RORA: variants seen among roughly 807,000 people sequenced by gnomAD.
RORA encodes the protein nuclear receptor ROR-alpha.
Under a neutral mutation model 69.5 loss-of-function variants are expected in RORA, and 7 were observed. The observed-to-expected ratio is 0.10, with a 90% CI of 0.06 to 0.19. RORA has a LOEUF of 0.19. Among genes scored for constraint, RORA ranks in the 10% least tolerant of loss-of-function variants. The pLI, the probability that RORA is intolerant of heterozygous loss-of-function variation, is 1.00. For synonymous variants in RORA, 261 were observed against 240.8 expected, an observed-to-expected ratio of 1.08 and a Z score of -0.78; for missense variants, 457 against 663.0, an observed-to-expected ratio of 0.69 and a Z score of 3.41.
intron 2 of RORA, among the ~76,000 whole-genome samples, chr15:60,640,117 A>T (rs1213943811): frequency 6.6e-6 from 1 of 152,180 alleles, no homozygotes; most frequent in African/African-American, 2.4e-5. Context: ...CATATAGAAG[A>T]TGTGGGTAAA....
In RORA at chr15:61,147,771, G is replaced by GCT. The variant is rs1038082525; in HGVS notation, c.166+81281_166+81282insAG. Among the ~76,000 whole-genome samples the GCT allele has an allele frequency of 1.0e-4, 15 of 147,790 alleles. No individual in the cohort carries two copies. Among genetic ancestry groups the GCT allele is most frequent in the Non-Finnish European group, 1.6e-4 (11 of 67,820 alleles). On this transcript the variant is annotated intron_variant, in intron 1 of 10. Coordinates refer to ENST00000335670, the MANE Select transcript of RORA (RefSeq NM_134261.3). This position sits in a 1 kb window ranked among gnomAD's most constrained non-coding sequence, Gnocchi z 4.1. Reference sequence around the variant, plus strand: ...AGTAGGCACGTGCGCACACGCGTGTGTGTGTGTGTGTGTGTGTGTGTGTGA... The same window carrying GCT: ...AGTAGGCACGTGCGCACACGCGTGTGCTTGTGTGTGTGTGTGTGTGTGTGTGA...
At chr15:61,132,540 G>C (rs563662061) in intron 1 of RORA, among the ~76,000 whole-genome samples, 2 of 151,990 alleles carry the variant, frequency 1.3e-5, no homozygotes, top group South Asian at 4.2e-4. Flanking sequence ...TAATAAGTAA[G>C]GTCAAAAGAT....
chr15:61,209,633 G>C (rs1267530046), intron 1 of RORA, among the ~76,000 whole-genome samples: 2 of 152,192 alleles, frequency 1.3e-5, no homozygotes, highest in Non-Finnish European at 2.9e-5. Context: ...AATGTCTGTT[G>C]TTTAAGCCAC....
rs191835268 is a variant in RORA at position 61,212,956 on chromosome 15, T to A, written c.166+16097A>T. Among the ~76,000 whole-genome samples, 14 of 152,306 alleles carry A rather than the reference T, an allele frequency of 9.2e-5. No homozygotes were observed. The East Asian group carries it at 2.3e-3, about 25-fold the overall frequency. Reference sequence around the variant, plus strand: ...AGCTCTCTAGCCTGGCCCTCCTAAGTGCCAGATACTTGCTATTGCTATTTT... The same window carrying A: ...AGCTCTCTAGCCTGGCCCTCCTAAGAGCCAGATACTTGCTATTGCTATTTT... On this transcript the variant is annotated intron_variant, in intron 1 of 10. Coordinates refer to ENST00000335670, the MANE Select transcript of RORA (RefSeq NM_134261.3).
Position 60,493,707 on chromosome 15 carries a change from T to A in RORA, c.*3748A>T, listed in dbSNP as rs1218658645. On this transcript the variant is annotated 3_prime_UTR_variant, in exon 11 of 11. Coordinates refer to ENST00000335670, the MANE Select transcript of RORA (RefSeq NM_134261.3). Reference sequence around the variant, plus strand: ...TCTTTCTTTGTTTCACATTACAAAATCTTTTTTTCTTTACACAAATCACAT... The same window carrying A: ...TCTTTCTTTGTTTCACATTACAAAAACTTTTTTTCTTTACACAAATCACAT... The A allele has an allele frequency of 6.6e-6, 1 of 152,094 alleles. No individual in the cohort carries two copies. Among genetic ancestry groups the A allele is most frequent in the African/African-American group, 2.4e-5 (1 of 41,400 alleles). 9.4% of individuals were successfully genotyped at this position (152,094 alleles called of 1,614,324 possible).
At chr15:60,877,333 C>T (rs2073628808) in intron 1 of RORA, among the ~76,000 whole-genome samples, 1 of 152,208 alleles carries the variant, frequency 6.6e-6, no homozygotes, top group African/African-American at 2.4e-5. Flanking sequence ...TTAACCTTCT[C>T]ATCTACCTCT....
intron 1 of RORA, among the ~76,000 whole-genome samples, chr15:60,773,724 C>T (rs139935728): frequency 9.1e-4 from 138 of 152,258 alleles, no homozygotes; most frequent in Non-Finnish European, 1.5e-3. Context: ...AACTCAGGGG[C>T]AACTTCTAGC....
chr15:60,514,038 T>TGGTAGAC (rs2065786142), intron 4 of RORA, among the ~76,000 whole-genome samples: 1 of 152,254 alleles, frequency 6.6e-6, no homozygotes, highest in African/African-American at 2.4e-5. Flanking sequence ...TGTACTTGAA[T>TGGTAGAC]GGTAGACGGT....
intron 1 of RORA, among the ~76,000 whole-genome samples, chr15:60,997,527 AC>A (rs1163621054): frequency 6.6e-6 from 1 of 152,182 alleles, no homozygotes; most frequent in Non-Finnish European, 1.5e-5. Context: ...AATATTAAAA[AC>A]ATCTTCAAAA....
At chr15:60,567,252 G>A (rs2067740103) in intron 2 of RORA, among the ~76,000 whole-genome samples, 1 of 151,680 alleles carries the variant, frequency 6.6e-6, no homozygotes, top group African/African-American at 2.4e-5. Flanking sequence ...CAGAGCCAAG[G>A]GAGGTGCTCC....
intron 1 of RORA, among the ~76,000 whole-genome samples, chr15:61,100,235 C>T (rs1362380769): frequency 6.6e-6 from 1 of 151,284 alleles, no homozygotes; most frequent in Non-Finnish European, 1.5e-5. Context: ...TCTCCTGCCT[C>T]AGCCTCCTGG....
At chr15:60,688,686 G>T (rs1419119526) in intron 1 of RORA, among the ~76,000 whole-genome samples, 3 of 152,132 alleles carry the variant, frequency 2.0e-5, no homozygotes, top group African/African-American at 4.8e-5. Context: ...TGCCAAAATG[G>T]TAATCATAAC....
intron 2 of RORA, among the ~76,000 whole-genome samples, chr15:60,636,796 A>AT (rs1567136408): frequency 6.6e-6 from 1 of 152,034 alleles, no homozygotes; most frequent in Admixed American, 6.5e-5. Flanking sequence ...TATTTTCTCT[A>AT]TTTTTTCGTA....
rs931132817 is a variant in RORA at position 60,692,585 on chromosome 15, T to G, written c.167-13899A>C. 2.0e-5 allele frequency among the ~76,000 whole-genome samples: 3 copies of G among 152,214 alleles called. No individual in the cohort carries two copies. In the East Asian group the frequency reaches 5.8e-4, roughly 29 times the overall value. Reference sequence around the variant, plus strand: ...TGTAAAGATGAAATGATATGATGTCTGGGATTTGCTTTAAAATGCTTTAGC... The same window carrying G: ...TGTAAAGATGAAATGATATGATGTCGGGGATTTGCTTTAAAATGCTTTAGC... On this transcript the variant is annotated intron_variant, in intron 1 of 10. Transcript: ENST00000335670.
chr15:61,067,245 A>C (rs1009376429), intron 1 of RORA, among the ~76,000 whole-genome samples: 3 of 151,156 alleles, frequency 2.0e-5, no homozygotes, highest in Admixed American at 6.6e-5. Flanking sequence ...CTGAGTAGCT[A>C]AGATTACAGG....
chr15:60,837,622 T>A (rs755807042), intron 1 of RORA, among the ~76,000 whole-genome samples: 1 of 152,138 alleles, frequency 6.6e-6, no homozygotes, highest in Admixed American at 6.5e-5. Flanking sequence ...CTCTAAGTCA[T>A]GTCTCAGGCT....
chr15:60,541,898 C>G (rs963997593), intron 2 of RORA, among the ~76,000 whole-genome samples: 1 of 152,212 alleles, frequency 6.6e-6, no homozygotes, highest in African/African-American at 2.4e-5. Flanking sequence ...CACTGTCCTT[C>G]CTATTCCATT....
At chr15:60,974,841 A>C (rs970357345) in intron 1 of RORA, among the ~76,000 whole-genome samples, 5 of 152,232 alleles carry the variant, frequency 3.3e-5, no homozygotes, top group African/African-American at 1.2e-4. Context: ...CACAGCTTAC[A>C]GAACCTTTGC....
chr15:60,498,913 C>T (rs764292250), intron 10 of RORA, among the ~76,000 whole-genome samples: 11 of 150,762 alleles, frequency 7.3e-5, no homozygotes. Flanking sequence ...CCAAAAACTT[C>T]TCACATCATC....
Sources: allele counts gnomAD v4.1 joint callset (sites outside exome capture counted in the v4.1 genomes callset), GRCh38; gene constraint gnomAD v4.1.1; non-coding constraint Gnocchi (gnomAD v3.1); transcripts MANE v1.5; gene names NCBI Gene and HGNC (gene_info 2026-07-23, HGNC 2026-07-21).